PLS3: variants seen among roughly 807,000 people sequenced by gnomAD.
The protein encoded by PLS3 is plastin-3.
In PLS3, 11 loss-of-function variants were observed where a neutral mutation model predicts 46.5. That is an observed-to-expected ratio of 0.24 (90% CI 0.15 to 0.39). The LOEUF (loss-of-function observed/expected upper bound fraction) is 0.39, where lower values mean the gene tolerates loss of function less well. Ranked by LOEUF, PLS3 falls within the 10% of genes least tolerant of loss-of-function variation. PLS3 has a pLI of 1.00. For synonymous variants in PLS3, 167 were observed against 162.2 expected, an observed-to-expected ratio of 1.03 and a Z score of -0.22; for missense variants, 308 against 461.8, an observed-to-expected ratio of 0.67 and a Z score of 3.05.
chrX:115,632,179 C>T (rs1336594762), intron 5 of PLS3, among the ~76,000 whole-genome samples: 1 of 111,669 alleles, frequency 9.0e-6, no homozygotes, highest in Non-Finnish European at 1.9e-5. Context: ...CTCAAAAAAT[C>T]TATAAATTGT....
chrX:115,596,070 G>A (rs1254754244), intron 1 of PLS3, among the ~76,000 whole-genome samples: 8 of 112,061 alleles, frequency 7.1e-5, no homozygotes, highest in African/African-American at 2.3e-4. Flanking sequence ...GTTTATTTCT[G>A]TTTGATTTTC....
intron 7 of PLS3, among the ~76,000 whole-genome samples, chrX:115,636,269 C>T (rs960727828): frequency 1.7e-4 from 16 of 95,321 alleles, no homozygotes; most frequent in African/African-American, 5.7e-4. Flanking sequence ...TGCAGTGGTG[C>T]GATCTTAGCT....
At chrX:115,591,262 T>C (rs2074343657) in intron 1 of PLS3, among the ~76,000 whole-genome samples, 1 of 112,778 alleles carries the variant, frequency 8.9e-6, no homozygotes, top group Non-Finnish European at 1.9e-5. Context: ...AGTAGAAATA[T>C]ATGCTATTGT....
intron 5 of PLS3, among the ~76,000 whole-genome samples, chrX:115,630,977 TATATA>T (rs1156238209): frequency 9.2e-5 from 9 of 98,142 alleles, no homozygotes; most frequent in African/African-American, 3.0e-4. Flanking sequence ...ACATATATGT[TATATA>T]ATATATGTAT....
chrX:115,596,369 G>A (rs1247400450), intron 1 of PLS3, among the ~76,000 whole-genome samples: 1 of 111,835 alleles, frequency 8.9e-6, no homozygotes, highest in Non-Finnish European at 1.9e-5. Flanking sequence ...CTTGTGGTGA[G>A]CCAAGATACA....
intron 2 of PLS3, among the ~76,000 whole-genome samples, chrX:115,619,466 A>G (rs1211129664): frequency 8.9e-6 from 1 of 112,176 alleles, no homozygotes; most frequent in African/African-American, 3.2e-5. Context: ...AGCCACTAAA[A>G]TTTTGCCTCA....
chrX:115,573,114 AAAAG>A (rs1333113127), intron 1 of PLS3, among the ~76,000 whole-genome samples: 3 of 108,841 alleles, frequency 2.8e-5, no homozygotes, highest in Admixed American at 9.8e-5. Context: ...AAAAAAAGAA[AAAAG>A]AAAGAAAGGA....
At chrX:115,644,324 C>T (rs6655297) in intron 10 of PLS3, among the ~76,000 whole-genome samples, 2,513 of 110,524 alleles carry the variant, frequency 0.023, 72 homozygotes, top group African/African-American at 0.077. Flanking sequence ...CAGCCAGGCG[C>T]GGTGGCTCAC....
intron 3 of PLS3, among the ~76,000 whole-genome samples, chrX:115,626,762 A>G (rs1340001890): frequency 9.0e-6 from 1 of 111,018 alleles, no homozygotes; most frequent in African/African-American, 3.3e-5. Context: ...CAAGCATAAG[A>G]AGGAGTTTTA....
chrX:115,641,634 C>T (rs2074897438), intron 9 of PLS3, among the ~76,000 whole-genome samples: 1 of 111,243 alleles, frequency 9.0e-6, no homozygotes, highest in East Asian at 2.8e-4. Context: ...GCTCAGGTCA[C>T]TCTTGGTAGG....
intron 14 of PLS3, 98 bp downstream of exon 14, chrX:115,647,771 G>T: frequency 8.9e-7 from 1 of 1,123,383 alleles, no homozygotes; most frequent in Non-Finnish European, 1.2e-6. Flanking sequence ...GAGAATTAGT[G>T]TTGGGCTAAT....
intron 4 of PLS3, among the ~76,000 whole-genome samples, chrX:115,629,576 T>C (rs1341594867): frequency 8.9e-6 from 1 of 111,928 alleles, no homozygotes; most frequent in Admixed American, 9.6e-5. Context: ...CAGTGCATTA[T>C]ACAGTAATAT....
At chrX:115,601,553 A>G (rs782687095) in intron 1 of PLS3, among the ~76,000 whole-genome samples, 11 of 109,739 alleles carry the variant, frequency 1.0e-4, no homozygotes, top group Admixed American at 2.9e-4. Context: ...TAATGGGTGC[A>G]GCACACCAAC....
At chrX:115,643,927 G>A (rs927807089) in intron 10 of PLS3, among the ~76,000 whole-genome samples, 2 of 111,682 alleles carry the variant, frequency 1.8e-5, no homozygotes, top group Admixed American at 9.5e-5. Flanking sequence ...AGCCGAGATC[G>A]CGCTATTGCA....
chrX:115,627,833 G>C (rs1457083674), intron 3 of PLS3, among the ~76,000 whole-genome samples: 4 of 111,976 alleles, frequency 3.6e-5, no homozygotes, highest in Non-Finnish European at 7.5e-5. Context: ...CACAGGTATG[G>C]AAATACTGAG....
intron 2 of PLS3, among the ~76,000 whole-genome samples, chrX:115,614,697 T>A (rs116730414): frequency 0.031 from 3,476 of 111,749 alleles, 136 homozygotes; most frequent in African/African-American, 0.11. Context: ...TTTGACCGAG[T>A]CTTTTAAGTC....
At chrX:115,648,800 C>T (rs1046074394) in intron 15 of PLS3, among the ~76,000 whole-genome samples, 24 of 111,972 alleles carry the variant, frequency 2.1e-4, no homozygotes, top group African/African-American at 6.5e-4. Context: ...TCTAGAAACT[C>T]GATGATTTAA....
At chrX:115,633,879 A>C (rs2074803855) in intron 5 of PLS3, 121 bp from the exon 6 acceptor site, 3 of 480,501 alleles carry the variant, frequency 6.2e-6, no homozygotes, top group Non-Finnish European at 1.1e-5. Context: ...TGCATTTTTT[A>C]GAGTACATGA....
chrX:115,602,441 C>T (rs1249135348), intron 1 of PLS3, among the ~76,000 whole-genome samples: 3 of 111,358 alleles, frequency 2.7e-5, no homozygotes, highest in Non-Finnish European at 5.7e-5. Context: ...GAGTTTTAGC[C>T]CACAGTGTTG....
Sources: gnomAD v4.1 joint callset for allele counts (sites outside exome capture counted in the v4.1 genomes callset) on GRCh38, gnomAD v4.1.1 for gene constraint, MANE v1.5 for transcripts, NCBI Gene and HGNC (gene_info 2026-07-23, HGNC 2026-07-21) for gene names.